ACTR3C: variants seen among roughly 807,000 people sequenced by gnomAD.
ACTR3C encodes the protein actin related protein 3C.
ACTR3C carries 18 observed loss-of-function variants against 26.3 expected under a neutral mutation model. That is an observed-to-expected ratio of 0.68 (90% CI 0.47 to 1.01). The LOEUF (loss-of-function observed/expected upper bound fraction) is 1.01. ACTR3C is among the 50% of genes least tolerant of loss of function. The probability of loss-of-function intolerance (pLI) is 0.00; values close to 1 mark genes in which losing one functional copy is unlikely to be tolerated. For missense variants in ACTR3C, 184 were observed against 250.7 expected (o/e 0.73, Z 1.80); for synonymous variants, 55 against 94.5 (o/e 0.58, Z 2.42).
At chr7:150,070,159 G>T in the ACTR3C span, among the ~76,000 whole-genome samples, 1 of 152,122 alleles carries the variant, frequency 6.6e-6, no homozygotes, top group South Asian at 2.1e-4. Context: ...AGCTCGCGAG[G>T]CCTCACCCAG....
At chr7:150,007,502 C>T in the ACTR3C span, among the ~76,000 whole-genome samples, 1 of 152,196 alleles carries the variant, frequency 6.6e-6, no homozygotes, top group Non-Finnish European at 1.5e-5. Context: ...AAATCTGCTA[C>T]TGATAATGAT....
the ACTR3C span, among the ~76,000 whole-genome samples, chr7:150,121,774 A>G: frequency 6.6e-6 from 1 of 152,046 alleles, no homozygotes; most frequent in East Asian, 1.9e-4. Flanking sequence ...CCATATAGCC[A>G]AGACAATCCT....
chr7:150,003,754 G>A, the ACTR3C span, among the ~76,000 whole-genome samples: 4 of 152,222 alleles, frequency 2.6e-5, no homozygotes, highest in Non-Finnish European at 5.9e-5. Flanking sequence ...ACAGTGTGGT[G>A]TATGGTGTAC....
the ACTR3C span, among the ~76,000 whole-genome samples, chr7:150,033,892 C>T: frequency 5.9e-3 from 839 of 142,848 alleles, no homozygotes; most frequent in Non-Finnish European, 7.8e-3. Context: ...GGAAGAGGGG[C>T]TCGCTCTCAG....
the ACTR3C span, among the ~76,000 whole-genome samples, chr7:149,917,926 A>G: frequency 6.6e-6 from 1 of 151,964 alleles, no homozygotes; most frequent in African/African-American, 2.4e-5. Context: ...CAGTTTAAAC[A>G]TGGTTTTGAT....
chr7:149,927,010 A>T, the ACTR3C span, among the ~76,000 whole-genome samples: 2 of 151,912 alleles, frequency 1.3e-5, no homozygotes, highest in African/African-American at 4.8e-5. Flanking sequence ...GCCTCATTAG[A>T]TGCTGGCACC....
At chr7:149,883,042 G>A in the ACTR3C span, among the ~76,000 whole-genome samples, 2 of 152,206 alleles carry the variant, frequency 1.3e-5, no homozygotes, top group Non-Finnish European at 2.9e-5. Context: ...ATCTCAAAGG[G>A]ACAAGGGAAG....
intron 1 of ACTR3C, among the ~76,000 whole-genome samples, chr7:150,308,431 C>A (rs899349742): frequency 2.6e-5 from 4 of 152,148 alleles, no homozygotes; most frequent in East Asian, 1.9e-4. Context: ...CTCCATCCCA[C>A]AAGACCTAGA....
chr7:150,160,703 T>A, the ACTR3C span, among the ~76,000 whole-genome samples: 4 of 151,858 alleles, frequency 2.6e-5, no homozygotes, highest in Non-Finnish European at 4.4e-5. Flanking sequence ...CATCCCTGAA[T>A]TGCAGGAGCT....
At chr7:149,965,874 C>G in the ACTR3C span, among the ~76,000 whole-genome samples, 3 of 152,112 alleles carry the variant, frequency 2.0e-5, no homozygotes, top group Non-Finnish European at 4.4e-5. Context: ...TCTAACCCAC[C>G]CTCTCCCCAA....
chr7:150,272,345 T>G (rs1209859152), intron 6 of ACTR3C, among the ~76,000 whole-genome samples: 1 of 139,652 alleles, frequency 7.2e-6, no homozygotes, highest in East Asian at 2.0e-4. Context: ...TCTCTAACTT[T>G]AGCTAGCTTG....
intron 6 of ACTR3C, among the ~76,000 whole-genome samples, chr7:150,278,251 C>T (rs865858263): frequency 1.4e-4 from 21 of 152,200 alleles, no homozygotes; most frequent in Admixed American, 7.9e-4. Flanking sequence ...GCCTTCACTC[C>T]GACCTGAGTT....
At chr7:149,916,041 T>C in the ACTR3C span, among the ~76,000 whole-genome samples, 3 of 143,008 alleles carry the variant, frequency 2.1e-5, no homozygotes, top group African/African-American at 7.8e-5. Context: ...GCCAGCTTAA[T>C]AGGGACACAA....
chr7:150,231,954 A>G, the ACTR3C span, among the ~76,000 whole-genome samples: 1 of 152,198 alleles, frequency 6.6e-6, no homozygotes, highest in African/African-American at 2.4e-5. Flanking sequence ...ATGAATTACT[A>G]AAAAAGAAGT....
At chr7:150,313,978 G>A (rs1162853940) in intron 1 of ACTR3C, among the ~76,000 whole-genome samples, 1 of 152,202 alleles carries the variant, frequency 6.6e-6, no homozygotes, top group Admixed American at 6.5e-5. Flanking sequence ...ACAACTCGAG[G>A]CAGAGGCCAT....
the ACTR3C span, among the ~76,000 whole-genome samples, chr7:150,167,139 T>C: frequency 1.3e-5 from 2 of 150,516 alleles, no homozygotes; most frequent in Non-Finnish European, 2.9e-5. Context: ...GATATCTCTT[T>C]GACATACCAA....
At chr7:149,931,999 C>G in the ACTR3C span, among the ~76,000 whole-genome samples, 1 of 152,196 alleles carries the variant, frequency 6.6e-6, no homozygotes, top group Admixed American at 6.5e-5. Flanking sequence ...GATTATAAAT[C>G]TAACAGTTAT....
intron 6 of ACTR3C, among the ~76,000 whole-genome samples, chr7:150,250,101 G>C (rs1380971505): frequency 6.6e-6 from 1 of 152,000 alleles, no homozygotes; most frequent in East Asian, 1.9e-4. Flanking sequence ...GATTATGTGG[G>C]GCTGTTGGTT....
chr7:150,160,135 T>C, the ACTR3C span, among the ~76,000 whole-genome samples: 2 of 152,232 alleles, frequency 1.3e-5, no homozygotes, highest in African/African-American at 4.8e-5. Context: ...TCTAACAGAA[T>C]TTTCAGTTTT....
Sources: allele counts gnomAD v4.1 joint callset (sites outside exome capture counted in the v4.1 genomes callset), GRCh38; gene constraint gnomAD v4.1.1; transcripts MANE v1.5; gene names NCBI Gene and HGNC (gene_info 2026-07-23, HGNC 2026-07-21).